Variants in SLC36A4 observed in about 807,000 individuals in gnomAD.
The protein encoded by SLC36A4 is solute carrier family 36 member 4, also known as neutral amino acid uniporter 4.
A neutral mutation model predicts 50.5 loss-of-function variants in SLC36A4; 49 were observed. The ratio of observed to expected loss-of-function variants is 0.97; its 90% CI spans 0.77 to 1.23. The LOEUF (loss-of-function observed/expected upper bound fraction) is 1.23, where lower values mean the gene tolerates loss of function less well. Ranked by LOEUF, SLC36A4 falls within the 50% of genes most tolerant of loss-of-function variation. SLC36A4 has a pLI of 0.00. For missense variants in SLC36A4, 611 were observed against 608.4 expected (o/e 1.00, Z -0.05); for synonymous variants, 207 against 206.5 (o/e 1.00, Z -0.02).
chr11:93,188,983 T>C (rs1862100745), intron 1 of SLC36A4, among the ~76,000 whole-genome samples: 2 of 152,228 alleles, frequency 1.3e-5, no homozygotes, highest in African/African-American at 4.8e-5. Flanking sequence ...TCTGTAATCA[T>C]GTCTGTGTTT....
intron 6 of SLC36A4, among the ~76,000 whole-genome samples, chr11:93,177,497 C>A (rs753234745): frequency 6.6e-6 from 1 of 152,096 alleles, no homozygotes; most frequent in Non-Finnish European, 1.5e-5. Context: ...CCGTTGCTGG[C>A]GAGGAGCTGC....
chr11:93,175,660 T>C (rs1861429114), intron 6 of SLC36A4, among the ~76,000 whole-genome samples: 1 of 78,622 alleles, frequency 1.3e-5, no homozygotes, highest in African/African-American at 3.5e-5. Flanking sequence ...TTTGTTCTCG[T>C]TGGTTTCAAA....
chr11:93,171,742 G>A (rs1443006439), intron 6 of SLC36A4: 2 of 151,962 alleles, frequency 1.3e-5, no homozygotes, highest in African/African-American at 4.8e-5. Flanking sequence ...CTGGTAAGAT[G>A]GTATGTCTTA....
chr11:93,181,798 T>A lies in SLC36A4; in HGVS notation c.360-12A>T. 6.4e-7 allele frequency: 1 copy of A among 1,553,868 alleles called. No individual in the cohort carries two copies. Among genetic ancestry groups the A allele is most frequent in the Non-Finnish European group, 8.7e-7 (1 of 1,147,316 alleles). On this transcript the variant is annotated splice_polypyrimidine_tract_variant and intron_variant, in intron 4 of 10. Coordinates refer to ENST00000326402, the MANE Select transcript of SLC36A4 (RefSeq NM_152313.4). The stretch of plus-strand genomic sequence containing the variant: ...TTGACTTTTTAAACCTGTAATTTAA[T>A]GACATACATACAAAGGAAAAAAGAA...
chr11:93,178,340 G>T (rs998471640), intron 6 of SLC36A4, among the ~76,000 whole-genome samples: 2 of 152,100 alleles, frequency 1.3e-5, no homozygotes, highest in African/African-American at 4.8e-5. Flanking sequence ...AACCCCTTGT[G>T]CTTCCCTGGT....
In SLC36A4 at chr11:93,185,764, A is replaced by C; in HGVS notation, c.106T>G (p.Ser36Ala). The change falls in exon 2 of 11, where the codon TCA (serine) becomes GCA (alanine). Residue 36 changes from serine to alanine, a missense_variant. Physicochemically the swap from Ser to Ala is moderately conservative, Grantham distance 99 (BLOSUM62 1). Transcript: ENST00000326402. ...AGCTCTTGCTCATGTTCTTCATCTG[A>C]TGTCCCATCAAAATTCTGCTCATTT... The part of the protein sequence containing the change: ...LINEQNFDGT[S>A]DEEHEQELLP... The C allele has an allele frequency of 3.7e-6, 6 of 1,608,738 alleles. No individual in the cohort carries two copies. Among genetic ancestry groups the C allele is most frequent in the Non-Finnish European group, 5.1e-6 (6 of 1,178,576 alleles).
intron 3 of SLC36A4, among the ~76,000 whole-genome samples, chr11:93,184,051 A>G (rs191082944): frequency 6.6e-6 from 1 of 152,270 alleles, no homozygotes; most frequent in East Asian, 1.9e-4. Context: ...GACTCTAAAA[A>G]AACTATACAA....
intron 1 of SLC36A4, among the ~76,000 whole-genome samples, chr11:93,186,991 C>T (rs776296875): frequency 7.9e-5 from 12 of 152,160 alleles, no homozygotes; most frequent in Non-Finnish European, 1.6e-4. Context: ...AGGACCACTG[C>T]TCTAACTGAT....
chr11:93,181,662 CAT>C, intron 5 of SLC36A4, 27 bp downstream of exon 5: 1 of 1,436,400 alleles, frequency 7.0e-7, no homozygotes, highest in South Asian at 1.6e-5. Context: ...TTTTAACAAT[CAT>C]ATATTAATAA....
At position 93,147,067 on chromosome 11, in the gene SLC36A4, T is replaced by G. The variant is rs1298730550; in HGVS notation, c.*1470A>C. On this transcript the variant is annotated 3_prime_UTR_variant, in exon 11 of 11. Coordinates refer to ENST00000326402, the MANE Select transcript of SLC36A4 (RefSeq NM_152313.4). ...GTCATAGCTTACCACAGCCTGAAACTTTTGTGCTCGAGGGATCCTCCTGCT... is the reference window on the plus strand; with the variant it reads ...GTCATAGCTTACCACAGCCTGAAACGTTTGTGCTCGAGGGATCCTCCTGCT... The G allele has an allele frequency of 1.3e-5, 2 of 152,144 alleles. No homozygotes were observed. Among genetic ancestry groups the G allele is most frequent in the African/African-American group, 2.4e-5 (1 of 41,452 alleles). The allele number at this position is 152,144 out of a possible 1,614,324, so 9.4% of individuals were successfully genotyped here.
At chr11:93,153,718 T>C (rs912195420) in intron 10 of SLC36A4, among the ~76,000 whole-genome samples, 6 of 152,030 alleles carry the variant, frequency 3.9e-5, no homozygotes, top group Non-Finnish European at 7.4e-5. Flanking sequence ...TTAAACACTT[T>C]CCTGTAGGTA....
rs1352812478 is a variant in SLC36A4 at position 93,148,667 on chromosome 11, A to G, written c.1385T>C (p.Val462Ala). 17 of 1,612,844 alleles carry G rather than the reference A, an allele frequency of 1.1e-5. No individual in the cohort carries two copies. Among genetic ancestry groups the G allele is most frequent in the Admixed American group, 1.7e-5 (1 of 59,804 alleles). The change falls in exon 11 of 11, where the codon GTT becomes GCT. Residue 462 changes from valine to alanine, a missense_variant. Transcript: ENST00000326402. ...TATATATGTACCTAATAAGAAGCCA[A>G]CAACTCCAGTGAATGCTATAGAAAT... ...KNISIAFTGV[V>A]GFLLGTYITV...
intron 9 of SLC36A4, among the ~76,000 whole-genome samples, chr11:93,158,019 G>A (rs987372239): frequency 6.6e-6 from 1 of 152,114 alleles, no homozygotes; most frequent in African/African-American, 2.4e-5. Flanking sequence ...ACAAGAGTAA[G>A]AAGAAATTTA....
intron 9 of SLC36A4, 110 bp downstream of exon 9, chr11:93,162,596 G>C: frequency 2.1e-6 from 2 of 964,704 alleles, no homozygotes; most frequent in Non-Finnish European, 3.0e-6. Context: ...GGAAATCACA[G>C]TAAAAATTTT....
Position 93,181,686 on chromosome 11 carries a change from C to T in SLC36A4, c.455+5G>A. ...TCATATATTAATAACAGAGTAAGTA[C>T]TTACCGCCCCCATGCTGCTTGCTTC... On this transcript the variant is annotated splice_donor_5th_base_variant and intron_variant, in intron 5 of 10. Coordinates refer to ENST00000326402, the MANE Select transcript of SLC36A4 (RefSeq NM_152313.4). 1.3e-6 allele frequency: 2 copies of T among 1,515,190 alleles called. No homozygotes were observed. Among genetic ancestry groups the T allele is most frequent in the Non-Finnish European group, 1.8e-6 (2 of 1,127,870 alleles). 93.9% of individuals were successfully genotyped at this position (1,515,190 alleles called of 1,614,324 possible).
intron 9 of SLC36A4, among the ~76,000 whole-genome samples, chr11:93,156,438 G>C (rs1262069236): frequency 8.5e-6 from 1 of 116,966 alleles, no homozygotes; most frequent in African/African-American, 3.3e-5. Flanking sequence ...CTTTTTTTTT[G>C]GGGTGGAGTC....
Position 93,162,891 on chromosome 11 carries a change from A to G in SLC36A4, c.868-16T>C. ...GTGGAAGGACCTAAGAAAAGAATACAATACTTTTTTTTAAGGGAATACAAG... is the reference window on the plus strand; with the variant it reads ...GTGGAAGGACCTAAGAAAAGAATACGATACTTTTTTTTAAGGGAATACAAG... On this transcript the variant is annotated splice_polypyrimidine_tract_variant and intron_variant, in intron 8 of 10. Coordinates refer to ENST00000326402, the MANE Select transcript of SLC36A4 (RefSeq NM_152313.4). 1 of 1,604,808 alleles carries G rather than the reference A, an allele frequency of 6.2e-7. No homozygotes were observed. The highest frequency in any genetic ancestry group is 8.5e-7 in the Non-Finnish European group (1 of 1,176,042).
rs752289243 is a variant in SLC36A4, at chr11:93,197,841, G to T, written c.-9C>A. The T allele has an allele frequency of 1.2e-5, 19 of 1,564,156 alleles. No homozygotes were observed. The South Asian group carries it at 1.4e-4, about 11-fold the overall frequency. On this transcript the variant is annotated 5_prime_UTR_variant, in exon 1 of 11. Coordinates refer to ENST00000326402, the MANE Select transcript of SLC36A4 (RefSeq NM_152313.4). ...GTCGCCGCCGCTTCCATCTCTCGCG[G>T]GTCTCCAGGACGCCGCCGCCCGAGT... is the stretch of plus-strand genomic sequence containing the variant.
At chr11:93,167,711 G>A (rs530031918) in intron 7 of SLC36A4, among the ~76,000 whole-genome samples, 4 of 152,208 alleles carry the variant, frequency 2.6e-5, no homozygotes, top group African/African-American at 7.2e-5. Flanking sequence ...AAAGCCCAGA[G>A]GCGTTATTTA....
Sources: gnomAD v4.1 joint callset for allele counts (sites outside exome capture counted in the v4.1 genomes callset) on GRCh38, gnomAD v4.1.1 for gene constraint, MANE v1.5 for transcripts, NCBI Gene and HGNC (gene_info 2026-07-23, HGNC 2026-07-21) for gene names.